The following DCC variants were observed in gnomAD, a reference collection of about 807,000 sequenced individuals.
DCC encodes netrin receptor DCC.
In DCC, 58 loss-of-function variants were observed where a neutral mutation model predicts 172.5. The observed-to-expected ratio is 0.34, with a 90% CI of 0.27 to 0.42. DCC has a LOEUF of 0.42. Among genes scored for constraint, DCC ranks in the 10% least tolerant of loss-of-function variants. DCC has a pLI of 1.00. For synonymous variants in DCC, 709 were observed against 644.5 expected (o/e 1.10, Z -1.52); for missense variants, 1,740 against 1,791.0 (o/e 0.97, Z 0.51).
intron 7 of DCC, among the ~76,000 whole-genome samples, chr18:53,128,165 G>A (rs867634882): frequency 6.6e-6 from 1 of 152,148 alleles, no homozygotes; most frequent in African/African-American, 2.4e-5. Context: ...TAAAGGCAAT[G>A]GTTGCAACTT....
intron 1 of DCC, among the ~76,000 whole-genome samples, chr18:52,439,174 T>G (rs202066819): frequency 1.8e-4 from 26 of 144,852 alleles, no homozygotes; most frequent in Non-Finnish European, 3.3e-4. Flanking sequence ...AAGATATGTT[T>G]TGTGTGTGTG....
At chr18:52,451,241 G>A (rs1038169523) in intron 1 of DCC, among the ~76,000 whole-genome samples, 1 of 152,122 alleles carries the variant, frequency 6.6e-6, no homozygotes, top group Non-Finnish European at 1.5e-5. Context: ...GGGTATATGA[G>A]CCGTATTCTT....
intron 2 of DCC, among the ~76,000 whole-genome samples, chr18:52,775,553 TC>T (rs992812359): frequency 6.6e-6 from 1 of 152,150 alleles, no homozygotes; most frequent in African/African-American, 2.4e-5. Flanking sequence ...GAGATGGTTT[TC>T]CCCCAGAGTT....
At chr18:53,068,965 G>A (rs1256147949) in intron 7 of DCC, among the ~76,000 whole-genome samples, 1 of 152,006 alleles carries the variant, frequency 6.6e-6, no homozygotes, top group Non-Finnish European at 1.5e-5. Flanking sequence ...ACTTAATAGG[G>A]ACTTATGAAC....
chr18:53,119,951 A>G (rs1032297520), intron 7 of DCC, among the ~76,000 whole-genome samples: 4 of 151,890 alleles, frequency 2.6e-5, no homozygotes, highest in African/African-American at 7.2e-5. Flanking sequence ...TAACAATCTG[A>G]TGTTATATAA....
intron 1 of DCC, among the ~76,000 whole-genome samples, chr18:52,587,515 C>A (rs2144789682): frequency 6.6e-6 from 1 of 152,326 alleles, no homozygotes; most frequent in East Asian, 1.9e-4. Context: ...AACCTCTTCC[C>A]CAAATTTCTT....
intron 15 of DCC, among the ~76,000 whole-genome samples, chr18:53,377,054 T>C (rs1310113529): frequency 2.0e-5 from 3 of 152,152 alleles, no homozygotes; most frequent in African/African-American, 7.2e-5. Context: ...TCCCTAAAAG[T>C]GCAGTTTGAA....
intron 2 of DCC, among the ~76,000 whole-genome samples, chr18:52,872,325 C>T (rs942650872): frequency 6.6e-6 from 1 of 152,074 alleles, no homozygotes; most frequent in Admixed American, 6.6e-5. Flanking sequence ...CAGAGAGAAT[C>T]GACAATGGTG....
chr18:53,228,802 A>G (rs1248179508), intron 12 of DCC, among the ~76,000 whole-genome samples: 1 of 152,172 alleles, frequency 6.6e-6, no homozygotes, highest in East Asian at 1.9e-4. Flanking sequence ...ACCTTAAACC[A>G]GTTACTTGTT....
chr18:53,364,713 C>G (rs1269579201), intron 15 of DCC, among the ~76,000 whole-genome samples: 1 of 152,136 alleles, frequency 6.6e-6, no homozygotes, highest in Non-Finnish European at 1.5e-5. Flanking sequence ...CATAACATCT[C>G]TATTTTCCAG....
At chr18:52,903,374 T>C (rs1324927809) in intron 2 of DCC, among the ~76,000 whole-genome samples, 1 of 152,064 alleles carries the variant, frequency 6.6e-6, no homozygotes, top group East Asian at 1.9e-4. Flanking sequence ...CTGGGTAATT[T>C]TTAAAAATTT....
At chr18:53,254,625 A>G (rs2056481386) in intron 12 of DCC, among the ~76,000 whole-genome samples, 1 of 152,072 alleles carries the variant, frequency 6.6e-6, no homozygotes, top group Non-Finnish European at 1.5e-5. Flanking sequence ...TGCCAAGCCC[A>G]TCACACCCAG....
intron 1 of DCC, among the ~76,000 whole-genome samples, chr18:52,464,883 A>C (rs1425992001): frequency 6.6e-6 from 1 of 152,172 alleles, no homozygotes; most frequent in Non-Finnish European, 1.5e-5. Context: ...GCACCATGAT[A>C]GAAGGAGACT....
chr18:53,474,429 C>T (rs2045736620), intron 25 of DCC, among the ~76,000 whole-genome samples: 1 of 152,070 alleles, frequency 6.6e-6, no homozygotes, highest in Non-Finnish European at 1.5e-5. Flanking sequence ...TTGGCTGTGT[C>T]CCCACCCAAA....
chr18:52,618,327 G>C (rs1270695124), intron 1 of DCC, among the ~76,000 whole-genome samples: 2 of 152,064 alleles, frequency 1.3e-5, no homozygotes, highest in Non-Finnish European at 2.9e-5. Flanking sequence ...CATGGTGACT[G>C]CCTTAATAAT....
intron 1 of DCC, among the ~76,000 whole-genome samples, chr18:52,474,868 C>A (rs546533229): frequency 6.6e-6 from 1 of 152,268 alleles, no homozygotes; most frequent in African/African-American, 2.4e-5. Context: ...ACCCCAACAC[C>A]GGTTATCTTT....
At chr18:53,035,751 A>T (rs1371727482) in intron 5 of DCC, among the ~76,000 whole-genome samples, 1 of 152,026 alleles carries the variant, frequency 6.6e-6, no homozygotes, top group Non-Finnish European at 1.5e-5. Context: ...CTGCACTATC[A>T]TTTTTATTGG....
chr18:52,724,921 C>A (rs565479166), intron 1 of DCC, among the ~76,000 whole-genome samples: 1 of 152,210 alleles, frequency 6.6e-6, no homozygotes, highest in Non-Finnish European at 1.5e-5. Flanking sequence ...AAACTGTTTT[C>A]TCTTCCAGGG....
At chr18:53,312,938 A>AAGGGAGGGGAGGGGAGGGAAGGGAC in intron 13 of DCC, among the ~76,000 whole-genome samples, 1 of 66,818 alleles carries the variant, frequency 1.5e-5, no homozygotes, top group African/African-American at 4.2e-5. Flanking sequence ...AGGGAAGGGA[A>AAGGGAGGGGAGGGGAGGGAAGGGAC]AGGGAGGGGA....
Sources: gnomAD v4.1 joint callset for allele counts (sites outside exome capture counted in the v4.1 genomes callset) on GRCh38, gnomAD v4.1.1 for gene constraint, MANE v1.5 for transcripts, NCBI Gene and HGNC (gene_info 2026-07-23, HGNC 2026-07-21) for gene names.